The following DHX32 variants were observed in gnomAD, a reference collection of about 807,000 sequenced individuals.
DHX32 encodes DEAH-box helicase 32 (putative), also known as putative pre-mRNA-splicing factor ATP-dependent RNA helicase DHX32.
A neutral mutation model predicts 70.0 loss-of-function variants in DHX32; 51 were observed. That is an observed-to-expected ratio of 0.73 (90% confidence interval 0.58 to 0.92). DHX32 has a LOEUF of 0.92. Ranked by LOEUF, DHX32 falls within the 40% of genes least tolerant of loss-of-function variation. The pLI is 0.00. For synonymous variants in DHX32, 310 were observed against 315.3 expected (o/e 0.98, Z 0.18); for missense variants, 762 against 891.8 (o/e 0.85, Z 1.85).
chr10:125,838,875 A>C, intron 9 of DHX32, 126 bp downstream of exon 9: 1 of 1,132,524 alleles, frequency 8.8e-7, no homozygotes, highest in Admixed American at 2.4e-5. Context: ...CCAAATCTTT[A>C]ATAATAACAT....
intron 6 of DHX32, among the ~76,000 whole-genome samples, chr10:125,843,595 G>C (rs1302074027): frequency 6.6e-6 from 1 of 151,694 alleles, no homozygotes. Flanking sequence ...CTGGGCGACA[G>C]AGCGAGACTC....
At chr10:125,880,046 T>C (rs1182041765) in intron 1 of DHX32, among the ~76,000 whole-genome samples, 1 of 152,232 alleles carries the variant, frequency 6.6e-6, no homozygotes, top group Non-Finnish European at 1.5e-5. Context: ...CTGGATCATA[T>C]TTAGTTGCTC....
At chr10:125,838,733 C>T (rs936710763) in intron 9 of DHX32, among the ~76,000 whole-genome samples, 3 of 152,094 alleles carry the variant, frequency 2.0e-5, no homozygotes, top group Non-Finnish European at 2.9e-5. Context: ...GTGTGTAGCA[C>T]GCAATGACCC....
At chr10:125,853,882 T>A in intron 4 of DHX32, 79 bp downstream of exon 4, 2 of 1,519,704 alleles carry the variant, frequency 1.3e-6, no homozygotes, top group Non-Finnish European at 1.8e-6. Flanking sequence ...CACTTCCTGA[T>A]CAGTAAAATG....
upstream of DHX32, among the ~76,000 whole-genome samples, chr10:125,881,604 A>C (rs1419930769): frequency 6.6e-6 from 1 of 152,154 alleles, no homozygotes; most frequent in Non-Finnish European, 1.5e-5. Flanking sequence ...GAGGGGAATG[A>C]ATTTATTATT....
intron 3 of DHX32, 39 bp from the exon 4 acceptor site, chr10:125,854,242 A>G: frequency 6.5e-7 from 1 of 1,536,990 alleles, no homozygotes; most frequent in South Asian, 1.3e-5. Context: ...AATACAATGC[A>G]AACAACATCA....
intron 1 of DHX32, among the ~76,000 whole-genome samples, chr10:125,871,479 G>C (rs1210950562): frequency 6.6e-6 from 1 of 152,172 alleles, no homozygotes; most frequent in Non-Finnish European, 1.5e-5. Context: ...TGACCACATA[G>C]GATGCAGCTC....
intron 1 of DHX32, among the ~76,000 whole-genome samples, chr10:125,889,805 C>T (rs1376103551): frequency 6.6e-6 from 1 of 152,292 alleles, no homozygotes; most frequent in Non-Finnish European, 1.5e-5. Flanking sequence ...CTATGTTCAG[C>T]ACTTAAGCAC....
chr10:125,889,145 A>G (rs993263207), intron 1 of DHX32, among the ~76,000 whole-genome samples: 2 of 152,238 alleles, frequency 1.3e-5, no homozygotes, highest in African/African-American at 4.8e-5. Flanking sequence ...GAACCAACTT[A>G]TAACACTATT....
At chr10:125,884,751 T>G (rs547522674), upstream of DHX32, among the ~76,000 whole-genome samples, 4 of 152,258 alleles carry the variant, frequency 2.6e-5, no homozygotes, top group South Asian at 8.3e-4. Context: ...TTGTCCTGAG[T>G]AACTTATGTT....
chr10:125,885,035 C>T (rs140058381), upstream of DHX32, among the ~76,000 whole-genome samples: 471 of 152,042 alleles, frequency 3.1e-3, 4 homozygotes, highest in African/African-American at 0.011. Flanking sequence ...ACTTCAGTGT[C>T]ATGTATTCAA....
At chr10:125,879,029 T>TG (rs1386732776) in intron 1 of DHX32, among the ~76,000 whole-genome samples, 3 of 139,078 alleles carry the variant, frequency 2.2e-5, no homozygotes, top group African/African-American at 8.1e-5. Flanking sequence ...TTTTTTTTTT[T>TG]TTTTTTTTTT....
At chr10:125,842,099 T>C in intron 6 of DHX32, 165 bp from the exon 7 acceptor site, 1 of 932,536 alleles carries the variant, frequency 1.1e-6, no homozygotes, top group Non-Finnish European at 1.5e-6. Flanking sequence ...TAGTGATTCT[T>C]GAGAGGGCAA....
chr10:125,843,606 C>T (rs947943459), intron 6 of DHX32, among the ~76,000 whole-genome samples: 3 of 150,960 alleles, frequency 2.0e-5, no homozygotes, highest in Admixed American at 6.6e-5. Flanking sequence ...AGCGAGACTC[C>T]GTCTCAAAAA....
chr10:125,851,875 C>T (rs1232912365), intron 6 of DHX32, among the ~76,000 whole-genome samples: 1 of 141,452 alleles, frequency 7.1e-6, no homozygotes, highest in Non-Finnish European at 1.5e-5. Flanking sequence ...GAGCTATGAT[C>T]ACGCCACTGT....
intron 10 of DHX32, among the ~76,000 whole-genome samples, 197 bp downstream of exon 10, chr10:125,838,009 C>A (rs1854751070): frequency 1.3e-5 from 2 of 152,148 alleles, no homozygotes; most frequent in Non-Finnish European, 2.9e-5. Context: ...ACTGTCTTTT[C>A]TATGCTGTAA....
At chr10:125,839,292 TACAAAGGAGGCCAC>T in intron 8 of DHX32, 104 bp from the exon 9 acceptor site, 1 of 1,202,838 alleles carries the variant, frequency 8.3e-7, no homozygotes, top group Non-Finnish European at 1.2e-6. Context: ...TCTCCTCTCC[TACAAAGGAGGCCAC>T]GTAGGTGAGT....
chr10:125,845,193 A>G (rs1181153558), intron 6 of DHX32, among the ~76,000 whole-genome samples: 1 of 152,168 alleles, frequency 6.6e-6, no homozygotes, highest in Non-Finnish European at 1.5e-5. Flanking sequence ...CCATGTTCTT[A>G]TAGTGTTCTT....
chr10:125,870,170 G>A (rs1352860801), intron 1 of DHX32, among the ~76,000 whole-genome samples: 1 of 152,192 alleles, frequency 6.6e-6, no homozygotes, highest in African/African-American at 2.4e-5. Context: ...CTTCAGGATA[G>A]TCAGGAAGAT....
Sources: allele counts gnomAD v4.1 joint callset (sites outside exome capture counted in the v4.1 genomes callset), GRCh38; gene constraint gnomAD v4.1.1; transcripts MANE v1.5; gene names NCBI Gene and HGNC (gene_info 2026-07-23, HGNC 2026-07-21).